The following ANGPT1 variants were observed in gnomAD, a reference collection of about 807,000 sequenced individuals.
The protein encoded by ANGPT1 is angiopoietin-1.
ANGPT1 carries 17 observed loss-of-function variants against 62.2 expected under a neutral mutation model. The ratio of observed to expected loss-of-function variants is 0.27; its 90% CI spans 0.19 to 0.41. ANGPT1 has a LOEUF of 0.41. Among genes scored for constraint, ANGPT1 ranks in the 10% least tolerant of loss-of-function variants. The probability of loss-of-function intolerance (pLI) is 1.00; values close to 1 mark genes in which losing one functional copy is unlikely to be tolerated. For missense variants in ANGPT1, 478 were observed against 594.9 expected (o/e 0.80, Z 2.04); for synonymous variants, 199 against 198.9 (o/e 1.00, Z 0.00).
intron 1 of ANGPT1, among the ~76,000 whole-genome samples, chr8:107,495,985 A>AAAG (rs1226637053): frequency 1.3e-5 from 2 of 152,200 alleles, no homozygotes; most frequent in Non-Finnish European, 2.9e-5. Context: ...CAGTGATCTT[A>AAAG]GTTCAGTCCC....
At chr8:107,313,030 T>C (rs1814914114) in intron 4 of ANGPT1, among the ~76,000 whole-genome samples, 1 of 152,130 alleles carries the variant, frequency 6.6e-6, no homozygotes, top group African/African-American at 2.4e-5. Context: ...AATCTCCCTT[T>C]AGAACCAAAT....
chr8:107,331,986 T>C (rs1448282323), intron 3 of ANGPT1, among the ~76,000 whole-genome samples: 2 of 152,062 alleles, frequency 1.3e-5, no homozygotes, highest in Admixed American at 1.3e-4. Flanking sequence ...TTGCAAAAAG[T>C]TGGGGTTAAG....
At chr8:107,456,444 T>C (rs1266314445) in intron 1 of ANGPT1, among the ~76,000 whole-genome samples, 1 of 152,080 alleles carries the variant, frequency 6.6e-6, no homozygotes, top group East Asian at 1.9e-4. Context: ...TTTTGACTTA[T>C]CTTTTAAATC....
intron 4 of ANGPT1, among the ~76,000 whole-genome samples, chr8:107,315,659 C>A (rs757688292): frequency 6.6e-6 from 1 of 151,758 alleles, no homozygotes; most frequent in African/African-American, 2.4e-5. Context: ...TTAACCTGTC[C>A]CTTAAAAACC....
intron 1 of ANGPT1, among the ~76,000 whole-genome samples, chr8:107,395,464 A>C (rs2130314140): frequency 6.6e-6 from 1 of 152,260 alleles, no homozygotes. Flanking sequence ...TATAATCCAC[A>C]AGTTTCATGA....
At chr8:107,471,003 C>A (rs776103114) in intron 1 of ANGPT1, among the ~76,000 whole-genome samples, 2 of 152,078 alleles carry the variant, frequency 1.3e-5, no homozygotes, top group African/African-American at 2.4e-5. Flanking sequence ...CCTCAAGGAT[C>A]TAGAATCAGA....
rs1347353937 is a variant in ANGPT1 at position 107,251,928 on chromosome 8, T to C, written c.1424A>G (p.Lys475Arg). 6.2e-7 allele frequency: 1 copy of C among 1,613,968 alleles called. No homozygotes were observed. The highest frequency in any genetic ancestry group is 1.7e-5 in the Admixed American group (1 of 60,002). ...GQNHGKLNGIKWHYFKGPSYS... is the reference protein window; with the variant it reads ...GQNHGKLNGIRWHYFKGPSYS... ...ACTGGGCCCTTTGAAGTAGTGCCAC[T>C]TTATCCCATTCAGTTTTCCATGGTT... Residue 475 changes from lysine to arginine, a missense_variant, in exon 9 of 9, where the codon AAG (lysine) becomes AGG (arginine). Physicochemically the swap from Lys to Arg is conservative, Grantham distance 26. This residue lies in a region of ANGPT1 where 35 missense variants were observed against 49.6 expected (regional missense o/e 0.71). Transcript: ENST00000517746.
intron 5 of ANGPT1, 138 bp downstream of exon 5, chr8:107,303,102 C>CA: frequency 1.1e-6 from 1 of 945,972 alleles, no homozygotes; most frequent in Non-Finnish European, 1.6e-6. Flanking sequence ...ACCTGGGAAA[C>CA]AGAGTATCTC....
At chr8:107,376,893 G>A (rs1383913971) in intron 1 of ANGPT1, among the ~76,000 whole-genome samples, 2 of 152,120 alleles carry the variant, frequency 1.3e-5, no homozygotes, top group African/African-American at 2.4e-5. Context: ...TTTGAACTTA[G>A]AGTTTAGGAA....
intron 1 of ANGPT1, among the ~76,000 whole-genome samples, chr8:107,468,758 T>C (rs565919196): frequency 2.0e-5 from 3 of 152,184 alleles, no homozygotes; most frequent in African/African-American, 7.2e-5. Context: ...AGGCCTGTTG[T>C]AAGTGGAGGG....
At chr8:107,314,212 G>A (rs753365508) in intron 4 of ANGPT1, among the ~76,000 whole-genome samples, 2 of 152,164 alleles carry the variant, frequency 1.3e-5, no homozygotes, top group Non-Finnish European at 2.9e-5. Context: ...GTTTGCTCAT[G>A]GTAATATTGG....
intron 1 of ANGPT1, among the ~76,000 whole-genome samples, chr8:107,390,844 G>T (rs750949023): frequency 6.6e-6 from 1 of 152,090 alleles, no homozygotes; most frequent in Non-Finnish European, 1.5e-5. Context: ...GATCTAGTGA[G>T]AGGCCAGGCT....
At position 107,284,669 on chromosome 8, in the gene ANGPT1, T is replaced by C. The variant is rs752297156; in HGVS notation, c.1205+13A>G. On this transcript the variant is annotated intron_variant, in intron 7 of 8. Transcript: ENST00000517746. Reference sequence around the variant, plus strand: ...TAAAAGGTAGTCGAACACTACACTGTAGCATGACTTACCTATAGTTTTGCT... The same window carrying C: ...TAAAAGGTAGTCGAACACTACACTGCAGCATGACTTACCTATAGTTTTGCT... 1 of 1,561,098 alleles carries C rather than the reference T, an allele frequency of 6.4e-7. No homozygotes were observed. The highest frequency in any genetic ancestry group is 1.2e-5 in the South Asian group (1 of 80,708).
chr8:107,255,819 T>C (rs898315805), intron 8 of ANGPT1, among the ~76,000 whole-genome samples: 2 of 152,170 alleles, frequency 1.3e-5, no homozygotes, highest in Non-Finnish European at 2.9e-5. Context: ...CTGTAAGTTA[T>C]CTAGAAAATG....
rs1263735498 is a variant in ANGPT1 at position 107,497,337 on chromosome 8, C to T, written c.222G>A (p.Val74=). 11 of 1,614,130 alleles carry T rather than the reference C, an allele frequency of 6.8e-6. No individual in the cohort carries two copies. The highest frequency in any genetic ancestry group is 8.5e-6 in the Non-Finnish European group (10 of 1,180,002). The change falls in exon 1 of 9, where the codon GTG becomes GTA. Residue 74 remains valine (V), a synonymous_variant. Transcript: ENST00000517746. ...GTTTCTGGGAAGAGAAATCCGGTTC[C>T]ACGTGTGGAGCATCTCTCTGCAGAG... ...TNALQRDAPH[V]EPDFSSQKLQ...
At chr8:107,470,561 T>A (rs565220264) in intron 1 of ANGPT1, among the ~76,000 whole-genome samples, 91 of 152,216 alleles carry the variant, frequency 6.0e-4, no homozygotes, top group African/African-American at 2.0e-3. Flanking sequence ...ATTGCAAAAC[T>A]TTTCTCCCAT....
intron 1 of ANGPT1, among the ~76,000 whole-genome samples, chr8:107,492,562 C>T (rs1812988969): frequency 1.3e-5 from 2 of 152,174 alleles, no homozygotes. Flanking sequence ...GTCTCGAACT[C>T]TTCACCTCAG....
chr8:107,407,405 T>C (rs144145754), intron 1 of ANGPT1, among the ~76,000 whole-genome samples: 108 of 152,280 alleles, frequency 7.1e-4, no homozygotes, highest in African/African-American at 2.3e-3. Flanking sequence ...TTTCACTCAC[T>C]ACTTTGTGAC....
intron 1 of ANGPT1, among the ~76,000 whole-genome samples, chr8:107,408,773 C>T (rs1817201560): frequency 6.6e-6 from 1 of 152,170 alleles, no homozygotes; most frequent in African/African-American, 2.4e-5. Flanking sequence ...CAAGAACACA[C>T]AATGAGGCTT....
Sources: gnomAD v4.1 joint callset for allele counts (sites outside exome capture counted in the v4.1 genomes callset) on GRCh38, gnomAD v4.1.1 for gene constraint, gnomAD v4.1.1 regional missense constraint, MANE v1.5 for transcripts, NCBI Gene and HGNC (gene_info 2026-07-23, HGNC 2026-07-21) for gene names.